NUMB: variants seen among roughly 807,000 people sequenced by gnomAD.
NUMB encodes the protein NUMB endocytic adaptor protein.
Under a neutral mutation model 59.7 loss-of-function variants are expected in NUMB, and 29 were observed. That is an observed-to-expected ratio of 0.49 (90% CI 0.36 to 0.66). The LOEUF (loss-of-function observed/expected upper bound fraction) is 0.66, where lower values mean the gene tolerates loss of function less well. Among genes scored for constraint, NUMB ranks in the 30% least tolerant of loss-of-function variants. The probability of loss-of-function intolerance (pLI) is 0.00; values close to 1 mark genes in which losing one functional copy is unlikely to be tolerated. For missense variants in NUMB, 723 were observed against 822.0 expected (o/e 0.88, Z 1.47); for synonymous variants, 288 against 288.2 (o/e 1.00, Z 0.01).
intron 2 of NUMB, among the ~76,000 whole-genome samples, chr14:73,387,104 G>C (rs1295306446): frequency 6.6e-6 from 1 of 151,332 alleles, no homozygotes; most frequent in Non-Finnish European, 1.5e-5. Flanking sequence ...GGATGGTCTC[G>C]ATCTCCTGAC....
intron 6 of NUMB, among the ~76,000 whole-genome samples, chr14:73,314,749 G>A (rs1890994994): frequency 6.6e-6 from 1 of 151,808 alleles, no homozygotes; most frequent in African/African-American, 2.4e-5. Flanking sequence ...CTTATCTGCT[G>A]CTTGAAGTAG....
chr14:73,452,003 T>G (rs1884012462), intron 1 of NUMB, among the ~76,000 whole-genome samples: 1 of 152,034 alleles, frequency 6.6e-6, no homozygotes, highest in African/African-American at 2.4e-5. Context: ...ATGCCTGTAA[T>G]CCCAACACTT....
At position 73,297,248 on chromosome 14, in the gene NUMB, G is replaced by C. The variant is rs779642378; in HGVS notation, c.272C>G (p.Ser91Ter). ...ATCCACAACTCTGAGTCCATCTGCT[G>C]AGACCCACAGAACTGCTTTAACTGC... The part of the protein sequence containing the change: ...KKAVKAVLWV[S>*]ADGLRVVDEK... Residue 91 changes from serine (S) to a stop codon, truncating the protein, a stop_gained, in exon 7 of 13, where the codon TCA becomes TGA. Coordinates refer to ENST00000555238, the MANE Select transcript of NUMB (RefSeq NM_001005743.2). LOFTEE classifies it high-confidence loss of function. 1 of 1,611,458 alleles carries C rather than the reference G, an allele frequency of 6.2e-7. No individual in the cohort carries two copies. The highest frequency in any genetic ancestry group is 8.5e-7 in the Non-Finnish European group (1 of 1,177,804).
At chr14:73,396,699 AC>A (rs1389792738) in intron 2 of NUMB, among the ~76,000 whole-genome samples, 3 of 152,098 alleles carry the variant, frequency 2.0e-5, no homozygotes, top group Non-Finnish European at 4.4e-5. Context: ...GCAACTAAAG[AC>A]CTTAAAATGA....
intron 5 of NUMB, 77 bp from the exon 6 acceptor site, chr14:73,316,499 A>G (rs1452382806): frequency 7.2e-7 from 1 of 1,383,812 alleles, no homozygotes; most frequent in East Asian, 2.3e-5. Flanking sequence ...CAATAAGCAC[A>G]TACAGAAATT....
chr14:73,385,142 A>G (rs796813159), intron 2 of NUMB, among the ~76,000 whole-genome samples: 66 of 151,880 alleles, frequency 4.3e-4, no homozygotes, highest in African/African-American at 1.4e-3. Flanking sequence ...AAATGTGGCT[A>G]GTTTGAGGAA....
intron 1 of NUMB, among the ~76,000 whole-genome samples, chr14:73,436,626 T>C (rs1402364695): frequency 6.6e-6 from 1 of 151,980 alleles, no homozygotes; most frequent in Non-Finnish European, 1.5e-5. Flanking sequence ...CTTTGAAGGA[T>C]TTTTAAATTG....
At chr14:73,404,024 CGG>C (rs1896543185) in intron 2 of NUMB, among the ~76,000 whole-genome samples, 1 of 148,640 alleles carries the variant, frequency 6.7e-6, no homozygotes, top group Non-Finnish European at 1.5e-5. Flanking sequence ...ACCCCAGAGG[CGG>C]AGGTTGCAGT....
In NUMB at chr14:73,276,595, A is replaced by T. The variant is rs759340298; in HGVS notation, c.1939T>A (p.Phe647Ile). ...NPFSSDLQKT[F>I]EIEL ...ATGATTGCTTAAAGTTCAATTTCAA[A>T]CGTCTTCTGTAAGTCACTGGAGAAA... Residue 647 changes from phenylalanine to isoleucine, a missense_variant, in exon 13 of 13, where the codon TTT (phenylalanine) becomes ATT (isoleucine). Physicochemically the swap from Phe to Ile is conservative, Grantham distance 21. Coordinates refer to ENST00000555238, the MANE Select transcript of NUMB (RefSeq NM_001005743.2). 29 of 1,612,200 alleles carry T rather than the reference A, an allele frequency of 1.8e-5. No individual in the cohort carries two copies. The highest frequency in any genetic ancestry group is 2.5e-5 in the Non-Finnish European group (29 of 1,178,654).
intron 1 of NUMB, among the ~76,000 whole-genome samples, chr14:73,438,910 A>G (rs1882821808): frequency 6.6e-6 from 1 of 152,160 alleles, no homozygotes; most frequent in African/African-American, 2.4e-5. Flanking sequence ...GGGAGAACAA[A>G]AAGACTAAAA....
intron 1 of NUMB, among the ~76,000 whole-genome samples, chr14:73,427,569 CTA>C (rs1441617977): frequency 1.3e-5 from 2 of 152,066 alleles, no homozygotes; most frequent in African/African-American, 4.8e-5. Context: ...AGCAGGAACT[CTA>C]AACTTTGTTC....
intron 4 of NUMB, among the ~76,000 whole-genome samples, chr14:73,353,072 G>GTCTTTTTT (rs1893522429): frequency 1.7e-5 from 1 of 58,514 alleles, no homozygotes; most frequent in Non-Finnish European, 3.3e-5. Flanking sequence ...AGTTTTTCTT[G>GTCTTTTTT]TTTTTTTTTT....
chr14:73,338,688 A>T (rs191554766), intron 4 of NUMB, among the ~76,000 whole-genome samples: 4 of 152,318 alleles, frequency 2.6e-5, no homozygotes, highest in African/African-American at 7.2e-5. Context: ...TAGTTTGTCA[A>T]TGGGGAGTGT....
intron 9 of NUMB, 30 bp downstream of exon 9, chr14:73,287,080 C>T: frequency 1.2e-6 from 2 of 1,601,408 alleles, no homozygotes; most frequent in East Asian, 4.5e-5. Flanking sequence ...AACTGCATTC[C>T]ATAAATACAC....
At chr14:73,364,653 G>A (rs546219824) in intron 3 of NUMB, among the ~76,000 whole-genome samples, 2 of 151,436 alleles carry the variant, frequency 1.3e-5, no homozygotes, top group Non-Finnish European at 2.9e-5. Context: ...TTTTAGACAG[G>A]GTCTTGCTCT....
At chr14:73,307,791 G>A (rs1890543107) in intron 6 of NUMB, among the ~76,000 whole-genome samples, 1 of 143,906 alleles carries the variant, frequency 6.9e-6, no homozygotes, top group African/African-American at 2.7e-5. Context: ...GGAGCACAGT[G>A]GCACGATCTT....
intron 3 of NUMB, among the ~76,000 whole-genome samples, chr14:73,366,165 G>A (rs190230078): frequency 6.6e-6 from 1 of 152,148 alleles, no homozygotes; most frequent in Non-Finnish European, 1.5e-5. Flanking sequence ...GACCATGTTA[G>A]GCTCAATGGG....
chr14:73,279,515 AT>A, intron 11 of NUMB, 91 bp from the exon 12 acceptor site: 1 of 1,238,552 alleles, frequency 8.1e-7, no homozygotes, highest in Non-Finnish European at 1.1e-6. Flanking sequence ...TGAATGTACA[AT>A]ACTGGTGGAA....
intron 6 of NUMB, among the ~76,000 whole-genome samples, chr14:73,316,154 A>C (rs1363232550): frequency 6.6e-6 from 1 of 152,186 alleles, no homozygotes; most frequent in Admixed American, 6.5e-5. Flanking sequence ...TACAGACATG[A>C]GCCACCGTGT....
Sources: gnomAD v4.1 joint callset for allele counts (sites outside exome capture counted in the v4.1 genomes callset) on GRCh38, gnomAD v4.1.1 for gene constraint, MANE v1.5 for transcripts, NCBI Gene and HGNC (gene_info 2026-07-23, HGNC 2026-07-21) for gene names.